Variants in CDH13 observed in about 807,000 individuals in gnomAD.
CDH13 encodes cadherin-13.
A neutral mutation model predicts 63.8 loss-of-function variants in CDH13; 24 were observed. The observed-to-expected ratio is 0.38, with a 90% CI of 0.27 to 0.53. The LOEUF is 0.53. Among genes scored for constraint, CDH13 ranks in the 20% least tolerant of loss-of-function variants. The probability of loss-of-function intolerance (pLI) is 0.85; values close to 1 mark genes in which losing one functional copy is unlikely to be tolerated. For missense variants in CDH13, 1,049 were observed against 903.1 expected, an observed-to-expected ratio of 1.16 and a Z score of -2.07; for synonymous variants, 503 against 355.3, an observed-to-expected ratio of 1.42 and a Z score of -4.67.
At position 83,032,039 on chromosome 16, in the gene CDH13, A is replaced by G; in HGVS notation, c.187A>G (p.Lys63Glu). 6.2e-7 allele frequency: 1 copy of G among 1,603,212 alleles called. No homozygotes were observed. Among genetic ancestry groups the G allele is most frequent in the African/African-American group, 1.3e-5 (1 of 74,908 alleles). ...LTFSDCKGND[K>E]LRYEVSSPYF... Reference sequence around the variant, plus strand: ...CTTCAGTGACTGTAAGGGAAACGACAAGCTACGCTATGAGGTCTCGAGCCC... The same window carrying G: ...CTTCAGTGACTGTAAGGGAAACGACGAGCTACGCTATGAGGTCTCGAGCCC... The change falls in exon 3 of 14, where the codon AAG (lysine) becomes GAG (glutamate). Residue 63 changes from lysine (K) to glutamate (E), a missense_variant. Lys to Glu is a moderately conservative substitution (Grantham distance 56). Transcript: ENST00000567109.
chr16:83,569,882 G>T (rs979374468), intron 7 of CDH13, among the ~76,000 whole-genome samples: 1 of 152,104 alleles, frequency 6.6e-6, no homozygotes, highest in Non-Finnish European at 1.5e-5. Context: ...GACTACAGGT[G>T]CACGCCACCA....
chr16:83,197,765 C>A lies in CDH13; in HGVS notation c.484-19580C>A, dbSNP rs184419713. Among the ~76,000 whole-genome samples, 168 of 151,748 alleles carry A rather than the reference C, an allele frequency of 1.1e-3. 2 individuals carry two copies. The highest frequency in any genetic ancestry group is 3.9e-3 in the African/African-American group (162 of 41,338). On this transcript the variant is annotated intron_variant, in intron 4 of 13. Coordinates refer to ENST00000567109, the MANE Select transcript of CDH13 (RefSeq NM_001257.5). Reference sequence around the variant, plus strand: ...AAAACTGCAAAAAACTAAATACACACACACACACTCTCACACACTCACACA... The same window carrying A: ...AAAACTGCAAAAAACTAAATACACAAACACACACTCTCACACACTCACACA...
At chr16:83,255,046 T>G (rs1248870877) in intron 5 of CDH13, among the ~76,000 whole-genome samples, 1 of 135,468 alleles carries the variant, frequency 7.4e-6, no homozygotes, top group Admixed American at 7.7e-5. Context: ...TCATGCATTT[T>G]GAAGCTTCTT....
intron 1 of CDH13, among the ~76,000 whole-genome samples, chr16:82,655,418 C>G (rs1292728899): frequency 6.6e-6 from 1 of 152,022 alleles, no homozygotes; most frequent in African/African-American, 2.4e-5. Flanking sequence ...ATGTGGATCT[C>G]AAAAGGAAAG....
chr16:83,510,856 T>C (rs2074540222), intron 7 of CDH13, among the ~76,000 whole-genome samples: 1 of 152,230 alleles, frequency 6.6e-6, no homozygotes, highest in Non-Finnish European at 1.5e-5. Context: ...TAAAGGTCTT[T>C]CAGAAAATCA....
rs180911908 is a variant in CDH13 at position 82,694,282 on chromosome 16, G to C, written c.45+67145G>C. Among the ~76,000 whole-genome samples, 15 of 152,322 alleles carry C rather than the reference G, an allele frequency of 9.8e-5. No homozygotes were observed. In the South Asian group the frequency reaches 1.2e-3, roughly 13 times the overall value. ...GTAATGTTTGACTCCAAGTACATGA[G>C]ATTGAACAGAGTTATTTGAGCTACT... On this transcript the variant is annotated intron_variant, in intron 1 of 13. Coordinates refer to ENST00000567109, the MANE Select transcript of CDH13 (RefSeq NM_001257.5).
chr16:82,793,810 C>G (rs917972128), intron 1 of CDH13, among the ~76,000 whole-genome samples: 3 of 152,128 alleles, frequency 2.0e-5, no homozygotes, highest in African/African-American at 7.2e-5. Context: ...TTAGAGATGA[C>G]TGCATCTCAG....
At chr16:83,525,093 T>C (rs1011790398) in intron 7 of CDH13, among the ~76,000 whole-genome samples, 1 of 152,180 alleles carries the variant, frequency 6.6e-6, no homozygotes. Flanking sequence ...TTACTTGTAA[T>C]GAAAACCTCT....
At chr16:83,219,479 T>C (rs573578300) in intron 5 of CDH13, among the ~76,000 whole-genome samples, 2 of 152,292 alleles carry the variant, frequency 1.3e-5, no homozygotes, top group African/African-American at 4.8e-5. Context: ...ATAATAATGA[T>C]GTCATAGGAT....
chr16:83,651,588 C>CTTTTTT (rs35237670), intron 8 of CDH13, among the ~76,000 whole-genome samples: 129 of 75,248 alleles, frequency 1.7e-3, no homozygotes, highest in South Asian at 2.2e-3. Flanking sequence ...TTATTTTCCT[C>CTTTTTT]TTTTTTTTTT....
At chr16:83,308,103 G>C (rs1418689931) in intron 5 of CDH13, among the ~76,000 whole-genome samples, 1 of 151,926 alleles carries the variant, frequency 6.6e-6, no homozygotes, top group Admixed American at 6.6e-5. Context: ...TGTTGTGCGG[G>C]AATCAGAGAT....
At chr16:83,720,362 C>T (rs1470890531) in intron 10 of CDH13, among the ~76,000 whole-genome samples, 1 of 152,156 alleles carries the variant, frequency 6.6e-6, no homozygotes, top group East Asian at 1.9e-4. Context: ...CACACACTCT[C>T]CAGTAAGCTT....
chr16:83,046,561 C>T (rs1597215865), intron 3 of CDH13, among the ~76,000 whole-genome samples: 3 of 152,292 alleles, frequency 2.0e-5, no homozygotes, highest in East Asian at 3.9e-4. Context: ...ACAAAAATCA[C>T]ATCTTATAGC....
At chr16:83,783,724 T>A (rs1194985718) in intron 13 of CDH13, among the ~76,000 whole-genome samples, 1 of 152,206 alleles carries the variant, frequency 6.6e-6, no homozygotes, top group African/African-American at 2.4e-5. Context: ...GCCTGCAAAC[T>A]AGGTGGTAAG....
intron 1 of CDH13, among the ~76,000 whole-genome samples, chr16:82,820,059 G>A (rs549436382): frequency 1.3e-5 from 2 of 152,208 alleles, no homozygotes; most frequent in South Asian, 2.1e-4. Context: ...GCTGTTCCCT[G>A]CACATGTCAT....
chr16:83,059,801 T>G (rs111286947), intron 3 of CDH13, among the ~76,000 whole-genome samples: 6,597 of 138,044 alleles, frequency 0.048, 539 homozygotes, highest in African/African-American at 0.16. Flanking sequence ...TTGTTTTTTT[T>G]TTTTTTTTTT....
chr16:82,779,055 G>C (rs1479296959), intron 1 of CDH13, among the ~76,000 whole-genome samples: 2 of 152,196 alleles, frequency 1.3e-5, no homozygotes, highest in Non-Finnish European at 2.9e-5. Context: ...AGATAATCTA[G>C]AAGTGTAAAG....
At chr16:83,081,390 G>C (rs1022450482) in intron 3 of CDH13, among the ~76,000 whole-genome samples, 5 of 152,152 alleles carry the variant, frequency 3.3e-5, no homozygotes, top group Admixed American at 1.3e-4. Flanking sequence ...GCTAATAGGG[G>C]TGTTACTGCA....
At chr16:83,073,201 A>G (rs759740834) in intron 3 of CDH13, among the ~76,000 whole-genome samples, 5 of 152,062 alleles carry the variant, frequency 3.3e-5, no homozygotes, top group Non-Finnish European at 7.4e-5. Context: ...CTTGGATTTG[A>G]GTACAGGTCG....
Sources: gnomAD v4.1 joint callset for allele counts (sites outside exome capture counted in the v4.1 genomes callset) on GRCh38, gnomAD v4.1.1 for gene constraint, MANE v1.5 for transcripts, NCBI Gene and HGNC (gene_info 2026-07-23, HGNC 2026-07-21) for gene names.